Variants in NLRP14 observed in about 807,000 individuals in gnomAD.
The protein encoded by NLRP14 is NLR family pyrin domain containing 14.
In NLRP14, 105 loss-of-function variants were observed where a neutral mutation model predicts 94.7. That is an observed-to-expected ratio of 1.11 (90% CI 0.95 to 1.30). The LOEUF (loss-of-function observed/expected upper bound fraction) is 1.30. Among genes scored for constraint, NLRP14 ranks in the 50% most tolerant of loss-of-function variants. The pLI is 0.00. For missense variants in NLRP14, 1,362 were observed against 1,254.1 expected, an observed-to-expected ratio of 1.09 and a Z score of -1.30; for synonymous variants, 508 against 459.9, an observed-to-expected ratio of 1.10 and a Z score of -1.34.
the NLRP14 span, among the ~76,000 whole-genome samples, chr11:7,086,207 T>C: frequency 2.3e-3 from 351 of 152,360 alleles, no homozygotes; most frequent in African/African-American, 8.1e-3. Context: ...CCAACACTTA[T>C]TCTTTTTGTG....
chr11:7,072,577 C>T (rs192407320), downstream of NLRP14, among the ~76,000 whole-genome samples: 47 of 152,298 alleles, frequency 3.1e-4, no homozygotes, highest in Non-Finnish European at 6.0e-4. Context: ...CTCCCTTGGG[C>T]GGGTTGTTGC....
chr11:7,039,637 C>A, intron 2 of NLRP14, 77 bp from the exon 3 acceptor site: 1 of 1,145,024 alleles, frequency 8.7e-7, no homozygotes, highest in Non-Finnish European at 1.3e-6. Context: ...TATGTGAATG[C>A]TGGCCTCTGT....
At chr11:7,073,272 G>A (rs1402092013), downstream of NLRP14, among the ~76,000 whole-genome samples, 1 of 152,160 alleles carries the variant, frequency 6.6e-6, no homozygotes, top group Non-Finnish European at 1.5e-5. Context: ...AGAATTTGTG[G>A]CCTTCCTTAG....
intron 1 of NLRP14, among the ~76,000 whole-genome samples, chr11:7,028,177 T>C (rs1852041418): frequency 6.6e-6 from 1 of 152,348 alleles, no homozygotes; most frequent in Middle Eastern, 3.4e-3. Context: ...TTGACTTCAA[T>C]GTTTAATAGG....
Position 7,062,501 on chromosome 11 carries a change from C to T in NLRP14, c.2973C>T (p.Leu991=), listed in dbSNP as rs369004599. 58 of 1,612,170 alleles carry T rather than the reference C, an allele frequency of 3.6e-5. No homozygotes were observed. The highest frequency in any genetic ancestry group is 3.0e-4 in the South Asian group (27 of 91,048). The change falls in exon 10 of 12, where the codon CTC becomes CTT. Residue 991 remains leucine, a splice_region_variant and synonymous_variant. Transcript: ENST00000299481. ...LRYPNCNIQR[L]GLEYCGLTSL... is the part of the protein sequence containing the mutation. The stretch of plus-strand genomic sequence containing the variant: ...ATCCAAACTGTAACATTCAGAGGCT[C>T]GGGTGAGTTCATAGTTTTCCATTAG...
chr11:7,058,090 C>G (rs1852546110), intron 7 of NLRP14, among the ~76,000 whole-genome samples, 190 bp from the exon 8 acceptor site: 2 of 151,842 alleles, frequency 1.3e-5, no homozygotes, highest in African/African-American at 2.4e-5. Context: ...TTCCCCTCTC[C>G]CCTTCCGTGT....
At chr11:7,063,479 A>G (rs1416656497) in intron 10 of NLRP14, among the ~76,000 whole-genome samples, 2 of 152,088 alleles carry the variant, frequency 1.3e-5, no homozygotes, top group Non-Finnish European at 2.9e-5. Flanking sequence ...TTGTCCCTCA[A>G]GGTTGCTCAT....
Position 7,042,786 on chromosome 11 carries a change from C to A in NLRP14, c.760C>A (p.Leu254Ile), listed in dbSNP as rs140289229. The change falls in exon 4 of 12, where the codon CTC becomes ATC. Residue 254 changes from leucine (L) to isoleucine (I), a missense_variant. Coordinates refer to ENST00000299481, the MANE Select transcript of NLRP14 (RefSeq NM_176822.4). ...AGAAATCATGTACCAGCCAAGTAGCCTCTTGTTTATTATTGACAGTTTCGA... is the reference window on the plus strand; with the variant it reads ...AGAAATCATGTACCAGCCAAGTAGCATCTTGTTTATTATTGACAGTTTCGA... The part of the protein sequence containing the change: ...IEEIMYQPSS[L>I]LFIIDSFDEL... 1 of 1,614,178 alleles carries A rather than the reference C, an allele frequency of 6.2e-7. No homozygotes were observed. Among genetic ancestry groups the A allele is most frequent in the South Asian group, 1.1e-5 (1 of 91,082 alleles).
chr11:7,077,576 T>C, the NLRP14 span, among the ~76,000 whole-genome samples: 7 of 152,356 alleles, frequency 4.6e-5, no homozygotes, highest in East Asian at 1.4e-3. Context: ...GATGAAGACA[T>C]ACCTGAGACT....
chr11:7,068,188 TCCA>T (rs1267423048), intron 10 of NLRP14, among the ~76,000 whole-genome samples: 2 of 152,144 alleles, frequency 1.3e-5, no homozygotes, highest in Non-Finnish European at 2.9e-5. Flanking sequence ...ACAACATTGA[TCCA>T]CTCTGTTGTA....
intron 1 of NLRP14, among the ~76,000 whole-genome samples, chr11:7,033,224 T>C (rs1852120849): frequency 6.6e-6 from 1 of 152,256 alleles, no homozygotes; most frequent in Non-Finnish European, 1.5e-5. Context: ...AGTTATTGTA[T>C]ATCTCCTGGT....
At chr11:7,055,052 A>G (rs982292321) in intron 6 of NLRP14, among the ~76,000 whole-genome samples, 3 of 152,160 alleles carry the variant, frequency 2.0e-5, no homozygotes, top group African/African-American at 4.8e-5. Context: ...ACCATTTACT[A>G]AAGAGACTGT....
Position 7,049,705 on chromosome 11 carries a change from G to A in NLRP14, c.2158G>A (p.Asp720Asn). 6.2e-7 allele frequency: 1 copy of A among 1,613,018 alleles called. No homozygotes were observed. Among genetic ancestry groups the A allele is most frequent in the Non-Finnish European group, 8.5e-7 (1 of 1,179,060 alleles). ...KFITFPDGCQ[D>N]ISTSLIHNKN... ...TATCACTTTCCCTGATGGTTGTCAG[G>A]ATATCTCTACTTCTTTGATTCATAA... is the stretch of plus-strand genomic sequence containing the variant. Residue 720 changes from aspartate to asparagine, a missense_variant, in exon 6 of 12, where the codon GAT (aspartate) becomes AAT (asparagine). Transcript: ENST00000299481.
chr11:7,087,725 GAAAC>G, the NLRP14 span, among the ~76,000 whole-genome samples: 3 of 151,998 alleles, frequency 2.0e-5, no homozygotes, highest in Non-Finnish European at 4.4e-5. Flanking sequence ...GGAGGAAAAA[GAAAC>G]AAAGACAAAT....
chr11:7,057,051 C>T (rs139919205), intron 6 of NLRP14, among the ~76,000 whole-genome samples: 7 of 152,152 alleles, frequency 4.6e-5, no homozygotes, highest in Non-Finnish European at 1.0e-4. Flanking sequence ...GCTGCTGCTG[C>T]TGCTGCCTGA....
At chr11:7,056,515 C>CAA (rs60703550) in intron 6 of NLRP14, among the ~76,000 whole-genome samples, 28,594 of 122,664 alleles carry the variant, frequency 0.23, 3,789 homozygotes, top group Non-Finnish European at 0.3. Context: ...AGCACTAATA[C>CAA]AAAAAAAAAA....
Position 7,043,272 on chromosome 11 carries a change from C to T in NLRP14, c.1246C>T (p.Pro416Ser). 6.2e-7 allele frequency: 1 copy of T among 1,614,166 alleles called. No homozygotes were observed. Among genetic ancestry groups the T allele is most frequent in the Non-Finnish European group, 8.5e-7 (1 of 1,180,030 alleles). Residue 416 changes from proline (P) to serine (S), a missense_variant, in exon 4 of 12, where the codon CCT (proline) becomes TCT (serine). Pro to Ser is a moderately conservative substitution (Grantham distance 74). Transcript: ENST00000299481. ...GTTCACACCAGTAGATGGAGGCTCT[C>T]CTAGTCTACCCAACCAAGCCCAGCT... ...SLFTPVDGGS[P>S]SLPNQAQLRR...
intron 4 of NLRP14, among the ~76,000 whole-genome samples, chr11:7,046,014 T>A (rs961372767): frequency 2.0e-5 from 3 of 152,172 alleles, no homozygotes; most frequent in Admixed American, 2.0e-4. Flanking sequence ...AAACACCAGG[T>A]TGTCCCCTGT....
intron 6 of NLRP14, among the ~76,000 whole-genome samples, chr11:7,054,912 T>C (rs1170209750): frequency 6.6e-6 from 1 of 152,198 alleles, no homozygotes; most frequent in African/African-American, 2.4e-5. Context: ...CCCTATGTTT[T>C]ACTTTAATAG....
Sources: gnomAD v4.1 joint callset for allele counts (sites outside exome capture counted in the v4.1 genomes callset) on GRCh38, gnomAD v4.1.1 for gene constraint, MANE v1.5 for transcripts, NCBI Gene and HGNC (gene_info 2026-07-23, HGNC 2026-07-21) for gene names.